The following ERC2 variants were observed in gnomAD, a reference collection of about 807,000 sequenced individuals.
The protein encoded by ERC2 is ELKS/RAB6-interacting/CAST family member 2, also known as ERC protein 2.
Under a neutral mutation model 114.8 loss-of-function variants are expected in ERC2, and 42 were observed. That is an observed-to-expected ratio of 0.37 (90% CI 0.29 to 0.47). The LOEUF is 0.47. Among genes scored for constraint, ERC2 ranks in the 20% least tolerant of loss-of-function variants. The pLI, the probability that ERC2 is intolerant of heterozygous loss-of-function variation, is 0.99. For missense variants in ERC2, 939 were observed against 1,150.7 expected (o/e 0.82, Z 2.66); for synonymous variants, 454 against 425.5 (o/e 1.07, Z -0.82).
At chr3:55,811,019 G>A (rs2059701450) in intron 14 of ERC2, among the ~76,000 whole-genome samples, 1 of 152,148 alleles carries the variant, frequency 6.6e-6, no homozygotes, top group Admixed American at 6.5e-5. Context: ...TAGGAGGAGT[G>A]CTGTTCAGAG....
chr3:55,748,838 C>T (rs751769442), intron 14 of ERC2, among the ~76,000 whole-genome samples: 2 of 152,078 alleles, frequency 1.3e-5, no homozygotes, highest in East Asian at 1.9e-4. Context: ...CCGAATAATA[C>T]GAAGTTCAAG....
At chr3:55,966,417 C>T (rs2068753012) in intron 12 of ERC2, among the ~76,000 whole-genome samples, 2 of 152,190 alleles carry the variant, frequency 1.3e-5, no homozygotes, top group Admixed American at 6.5e-5. Flanking sequence ...CTAAAACCCA[C>T]AGAGCAGCCA....
At position 55,870,842 on chromosome 3, in the gene ERC2, A is replaced by T. The variant is rs989440155; in HGVS notation, c.2564+17547T>A. Among the ~76,000 whole-genome samples the T allele has an allele frequency of 2.0e-5, 3 of 152,336 alleles. No individual in the cohort carries two copies. The East Asian group carries it at 5.8e-4, about 29-fold the overall frequency. On this transcript the variant is annotated intron_variant, in intron 14 of 17. Coordinates refer to ENST00000288221, the MANE Select transcript of ERC2 (RefSeq NM_015576.3). ...CCAACTCTCAACAGAACTGTGATGG[A>T]CGCAAAGTCTGTTTTGGTGTGGGAC...
At chr3:56,413,835 T>A (rs984896485) in intron 2 of ERC2, among the ~76,000 whole-genome samples, 4 of 152,180 alleles carry the variant, frequency 2.6e-5, no homozygotes, top group African/African-American at 9.7e-5. Context: ...CCAAACCAAA[T>A]AACCACCAAT....
intron 14 of ERC2, among the ~76,000 whole-genome samples, chr3:55,853,330 C>A (rs1182448515): frequency 6.6e-6 from 1 of 152,054 alleles, no homozygotes; most frequent in African/African-American, 2.4e-5. Context: ...ACTTCAAGAC[C>A]CACCTGGGTA....
At chr3:55,931,292 C>T (rs1027313600) in intron 13 of ERC2, among the ~76,000 whole-genome samples, 1 of 152,208 alleles carries the variant, frequency 6.6e-6, no homozygotes, top group Admixed American at 6.5e-5. Context: ...ACTATAAAGA[C>T]ACCTGCACAT....
intron 7 of ERC2, among the ~76,000 whole-genome samples, chr3:56,061,985 AT>A (rs576023529): frequency 6.6e-6 from 1 of 152,104 alleles, no homozygotes; most frequent in East Asian, 1.9e-4. Context: ...TATGTGTAGA[AT>A]TTTTTCTGCA....
chr3:56,151,831 T>C (rs931335806), intron 4 of ERC2, among the ~76,000 whole-genome samples: 2 of 151,962 alleles, frequency 1.3e-5, no homozygotes, highest in African/African-American at 2.4e-5. Flanking sequence ...TAATCTGGAA[T>C]AGAGAAAAAA....
At chr3:56,214,221 T>A (rs1027729297) in intron 3 of ERC2, among the ~76,000 whole-genome samples, 1 of 152,058 alleles carries the variant, frequency 6.6e-6, no homozygotes, top group African/African-American at 2.4e-5. Flanking sequence ...TTCGAACCCA[T>A]GGCAAAGAAG....
intron 17 of ERC2, chr3:55,658,808 G>GTAC (rs2060991096): frequency 6.5e-6 from 1 of 152,712 alleles, no homozygotes; most frequent in Non-Finnish European, 1.5e-5. Context: ...AACTAAGCAA[G>GTAC]TACTACCAGG....
intron 3 of ERC2, among the ~76,000 whole-genome samples, chr3:56,175,300 T>C (rs2082915026): frequency 6.6e-6 from 1 of 152,240 alleles, no homozygotes; most frequent in Non-Finnish European, 1.5e-5. Flanking sequence ...ATTTGAGAAC[T>C]ATACTTCCTA....
chr3:55,821,109 A>C (rs1458438872), intron 14 of ERC2, among the ~76,000 whole-genome samples: 1 of 152,216 alleles, frequency 6.6e-6, no homozygotes, highest in Non-Finnish European at 1.5e-5. Context: ...TTTTCTTCTG[A>C]AAATGAATCC....
chr3:56,338,262 A>G (rs2057939979), intron 2 of ERC2, among the ~76,000 whole-genome samples: 1 of 152,188 alleles, frequency 6.6e-6, no homozygotes, highest in African/African-American at 2.4e-5. Flanking sequence ...ATTATGCTGT[A>G]CATTTATGTT....
At chr3:55,915,689 G>T (rs1054546289) in intron 13 of ERC2, among the ~76,000 whole-genome samples, 5 of 152,112 alleles carry the variant, frequency 3.3e-5, no homozygotes, top group Non-Finnish European at 7.4e-5. Context: ...TTGGAAGCAA[G>T]ATAACCACCC....
chr3:56,307,955 G>A (rs11130511), intron 2 of ERC2, among the ~76,000 whole-genome samples: 6,208 of 152,028 alleles, frequency 0.041, 192 homozygotes, highest in Non-Finnish European at 0.065. Context: ...CCAGACCGTC[G>A]GCACAAGGGA....
intron 13 of ERC2, among the ~76,000 whole-genome samples, chr3:55,901,971 T>A (rs969834171): frequency 3.9e-5 from 6 of 152,224 alleles, no homozygotes; most frequent in African/African-American, 1.4e-4. Context: ...ATGTCATAAT[T>A]GTGTTCCCTT....
rs190714088 is a variant in ERC2 at position 55,600,736 on chromosome 3, G to T, written c.*39+83058C>A. On this transcript the variant is annotated intron_variant, in intron 17 of 17. Transcript: ENST00000288221. ...CAGAACACTTGTCCCAGAGAGCAGG[G>T]GAGCTCTGCACAAGCTTCAGTGCAG... Among the ~76,000 whole-genome samples, 44 of 152,324 alleles carry T rather than the reference G, an allele frequency of 2.9e-4. No individual in the cohort carries two copies. In the East Asian group the frequency reaches 5.4e-3, roughly 19 times the overall value.
chr3:56,160,955 G>A (rs1053652595), intron 4 of ERC2, among the ~76,000 whole-genome samples: 1 of 152,072 alleles, frequency 6.6e-6, no homozygotes, highest in Non-Finnish European at 1.5e-5. Flanking sequence ...TGCTTATATG[G>A]TTTGGATGTT....
intron 2 of ERC2, among the ~76,000 whole-genome samples, chr3:56,302,446 T>A (rs935421580): frequency 2.6e-5 from 4 of 152,212 alleles, no homozygotes; most frequent in African/African-American, 9.7e-5. Context: ...CTTTTCTAAG[T>A]ACTCAGAATT....
Sources: gnomAD v4.1 joint callset for allele counts (sites outside exome capture counted in the v4.1 genomes callset) on GRCh38, gnomAD v4.1.1 for gene constraint, MANE v1.5 for transcripts, NCBI Gene and HGNC (gene_info 2026-07-23, HGNC 2026-07-21) for gene names.